Variants in CENPK observed in about 807,000 individuals in gnomAD.
CENPK encodes the protein SoxLZ/Sox6-binding protein Solt.
CENPK carries 46 observed loss-of-function variants against 40.9 expected under a neutral mutation model. The ratio of observed to expected loss-of-function variants is 1.13; its 90% CI spans 0.89 to 1.44. The LOEUF (loss-of-function observed/expected upper bound fraction) is 1.44. Among genes scored for constraint, CENPK ranks in the 40% most tolerant of loss-of-function variants. CENPK has a pLI of 0.00. For missense variants in CENPK, 288 were observed against 303.5 expected, an observed-to-expected ratio of 0.95 and a Z score of 0.38; for synonymous variants, 107 against 104.4, an observed-to-expected ratio of 1.02 and a Z score of -0.15.
chr5:65,533,684 T>G (rs1027115178), intron 6 of CENPK, among the ~76,000 whole-genome samples: 6 of 152,104 alleles, frequency 3.9e-5, no homozygotes, highest in African/African-American at 1.4e-4. Context: ...GTTTCTCAAG[T>G]TCACTGGATA....
At chr5:65,556,317 T>A (rs1265928276) in intron 2 of CENPK, among the ~76,000 whole-genome samples, 2 of 151,784 alleles carry the variant, frequency 1.3e-5, no homozygotes, top group Admixed American at 6.6e-5. Flanking sequence ...TATAAAAAAA[T>A]TTTAAAAATT....
At chr5:65,543,009 G>C (rs1052916584) in intron 5 of CENPK, among the ~76,000 whole-genome samples, 161 bp from the exon 6 acceptor site, 6 of 152,064 alleles carry the variant, frequency 3.9e-5, no homozygotes, top group African/African-American at 1.4e-4. Context: ...TTGTCACCCA[G>C]GCTGCAGTGC....
chr5:65,555,612 T>C (rs1370307325), intron 2 of CENPK, among the ~76,000 whole-genome samples: 1 of 152,252 alleles, frequency 6.6e-6, no homozygotes. Context: ...ATTAGAAAGC[T>C]ACTGCAATGA....
At chr5:65,532,380 G>A (rs1033260153) in intron 6 of CENPK, among the ~76,000 whole-genome samples, 5 of 152,098 alleles carry the variant, frequency 3.3e-5, no homozygotes, top group African/African-American at 1.2e-4. Flanking sequence ...TTGAAGAGGA[G>A]AGAATACTTC....
At chr5:65,535,793 A>C (rs1746787325) in intron 6 of CENPK, among the ~76,000 whole-genome samples, 1 of 152,190 alleles carries the variant, frequency 6.6e-6, no homozygotes, top group Non-Finnish European at 1.5e-5. Flanking sequence ...AAATCATTGC[A>C]CCTGAGGGCA....
chr5:65,545,889 G>C (rs1241909168), intron 5 of CENPK, among the ~76,000 whole-genome samples: 1 of 152,092 alleles, frequency 6.6e-6, no homozygotes, highest in East Asian at 1.9e-4. Context: ...TCAGACCCCT[G>C]AACTACAGAA....
At chr5:65,526,404 A>G (rs1744710881) in intron 9 of CENPK, among the ~76,000 whole-genome samples, 1 of 152,238 alleles carries the variant, frequency 6.6e-6, no homozygotes, top group African/African-American at 2.4e-5. Flanking sequence ...ACAAATGTAA[A>G]GCCTATAGAC....
intron 2 of CENPK, 36 bp from the exon 3 acceptor site, chr5:65,554,982 G>C: frequency 1.1e-6 from 1 of 872,850 alleles, no homozygotes; most frequent in South Asian, 1.4e-5. Context: ...CAGCAGTATT[G>C]GTTGAACACT....
Position 65,563,143 on chromosome 5 carries a change from AGC to A in CENPK, c.-189_-188del, listed in dbSNP as rs1257636747. On this transcript the variant is annotated 5_prime_UTR_variant, in exon 1 of 11. Coordinates refer to ENST00000396679, the MANE Select transcript of CENPK (RefSeq NM_022145.5). ...CAGGTCGCCTAGGCGCTGCGCAGGA[AGC>A]GCTTGCCAGCCCCGGACTTCTGCGC... The A allele has an allele frequency of 1.2e-6, 1 of 833,358 alleles. No individual in the cohort carries two copies. Among genetic ancestry groups the A allele is most frequent in the East Asian group, 2.7e-5 (1 of 36,542 alleles). The allele number at this position is 833,358 out of a possible 1,614,324, so 51.6% of individuals were successfully genotyped here.
chr5:65,507,529 T>A, the CENPK span, among the ~76,000 whole-genome samples: 278 of 152,348 alleles, frequency 1.8e-3, 2 homozygotes, highest in African/African-American at 6.3e-3. Flanking sequence ...AAAAGTGTTA[T>A]GTTTAAGGCT....
At chr5:65,532,332 C>T (rs1356847556) in intron 6 of CENPK, among the ~76,000 whole-genome samples, 3 of 152,034 alleles carry the variant, frequency 2.0e-5, no homozygotes, top group African/African-American at 7.2e-5. Context: ...CAAACAAATA[C>T]TTCAGGAATA....
At chr5:65,510,994 T>G in the CENPK span, among the ~76,000 whole-genome samples, 1 of 152,186 alleles carries the variant, frequency 6.6e-6, no homozygotes, top group Non-Finnish European at 1.5e-5. Flanking sequence ...AACCTTGGAC[T>G]TCCTGGCTCA....
intron 6 of CENPK, among the ~76,000 whole-genome samples, chr5:65,532,778 G>A (rs924852090): frequency 6.6e-5 from 10 of 151,340 alleles, no homozygotes; most frequent in Non-Finnish European, 1.5e-4. Flanking sequence ...GCATGGTGGA[G>A]CATGCCTGTA....
At chr5:65,537,201 G>C (rs543162482) in intron 6 of CENPK, among the ~76,000 whole-genome samples, 86 of 152,364 alleles carry the variant, frequency 5.6e-4, no homozygotes, top group African/African-American at 2.0e-3. Context: ...CATGGGAGAA[G>C]CTTACAGGAG....
chr5:65,547,498 T>C (rs1219925022), intron 5 of CENPK, among the ~76,000 whole-genome samples: 14 of 152,050 alleles, frequency 9.2e-5, no homozygotes, highest in Admixed American at 1.3e-4. Context: ...ATCACAATTG[T>C]AATACTACAC....
intron 9 of CENPK, among the ~76,000 whole-genome samples, chr5:65,523,690 A>G (rs1443393138): frequency 1.3e-5 from 2 of 152,234 alleles, no homozygotes; most frequent in Non-Finnish European, 2.9e-5. Context: ...AAAATATAAA[A>G]GAAAATTTCT....
chr5:65,541,850 T>G (rs1748042555), intron 6 of CENPK, among the ~76,000 whole-genome samples: 1 of 152,232 alleles, frequency 6.6e-6, no homozygotes, highest in Admixed American at 6.5e-5. Flanking sequence ...CACTTCTCAG[T>G]GCCAACTTTC....
At chr5:65,531,307 A>G (rs1745765903) in intron 6 of CENPK, among the ~76,000 whole-genome samples, 1 of 152,208 alleles carries the variant, frequency 6.6e-6, no homozygotes, top group Admixed American at 6.5e-5. Context: ...TACCAAAAAC[A>G]TACATCTAAA....
the CENPK span, among the ~76,000 whole-genome samples, chr5:65,502,637 G>T: frequency 1.3e-5 from 2 of 151,916 alleles, no homozygotes; most frequent in East Asian, 3.9e-4. Flanking sequence ...AAGAAATAGG[G>T]TCTCACTCTG....
Sources: allele counts gnomAD v4.1 joint callset (sites outside exome capture counted in the v4.1 genomes callset), GRCh38; gene constraint gnomAD v4.1.1; transcripts MANE v1.5; gene names NCBI Gene and HGNC (gene_info 2026-07-23, HGNC 2026-07-21).